The following FLG variants were observed in gnomAD, a reference collection of about 807,000 sequenced individuals.
FLG encodes the protein filaggrin, also known as epidermal filaggrin.
FLG carries 6 observed loss-of-function variants against 3.8 expected under a neutral mutation model. That is an observed-to-expected ratio of 1.60 (90% CI 0.87 to 3.15). The LOEUF is 3.15. FLG is among the 30% of genes most tolerant of loss of function. The pLI is 0.00. For synonymous variants in FLG, 2,551 were observed against 1,931.6 expected, an observed-to-expected ratio of 1.32 and a Z score of -8.41; for missense variants, 7,595 against 5,050.9, an observed-to-expected ratio of 1.50 and a Z score of -15.27.
rs758635510 is a variant in FLG at position 152,313,292 on chromosome 1, G to T, written c.1594C>A (p.His532Asn). The change falls in exon 3 of 3, where the codon CAC becomes AAC. Residue 532 changes from histidine (H) to asparagine (N), a missense_variant. Physicochemically the swap from His to Asn is moderately conservative, Grantham distance 68. Transcript: ENST00000368799. ...CCAGACCTATTTACCGATTGCTCGTGGTGGGATCCCTGCCTTCCTCCTCTG... is the reference window on the plus strand; with the variant it reads ...CCAGACCTATTTACCGATTGCTCGTTGTGGGATCCCTGCCTTCCTCCTCTG... ...SSRGGRQGSH[H>N]EQSVNRSGHS... The T allele has an allele frequency of 2.5e-6, 4 of 1,613,768 alleles. No homozygotes were observed. The highest frequency in any genetic ancestry group is 3.4e-6 in the Non-Finnish European group (4 of 1,179,984).
chr1:152,324,939 T>TA (rs1653100191), intron 1 of FLG, among the ~76,000 whole-genome samples: 1 of 151,936 alleles, frequency 6.6e-6, no homozygotes. Context: ...AGAAGGTAGT[T>TA]AATACATATT....
At position 152,312,813 on chromosome 1, in the gene FLG, T is replaced by C. The variant is rs527901575; in HGVS notation, c.2073A>G (p.Gly691=). 2.7e-3 allele frequency: 4,416 copies of C among 1,614,028 alleles called. 131 individuals carry two copies. In the African/African-American group the frequency reaches 0.051, roughly 19 times the overall value. Residue 691 remains glycine, a synonymous_variant, in exon 3 of 3, where the codon GGA becomes GGG. Coordinates refer to ENST00000368799, the MANE Select transcript of FLG (RefSeq NM_002016.2). ...GTRHTQNSSS[G]QAASSHEQAR... ...CCTGTTCATGGGATGACGCAGCCTG[T>C]CCACTAGAGGAATTCTGTGTGTGAC... is the stretch of plus-strand genomic sequence containing the variant.
In FLG at chr1:152,303,572, A is replaced by G. The variant is rs1358288576; in HGVS notation, c.11314T>C (p.Ser3772Pro). The change falls in exon 3 of 3, where the codon TCC becomes CCC. Residue 3772 changes from serine (S) to proline (P), a missense_variant. Ser to Pro is a moderately conservative substitution (Grantham distance 74, BLOSUM62 -1). Coordinates refer to ENST00000368799, the MANE Select transcript of FLG (RefSeq NM_002016.2). The part of the protein sequence containing the change: ...PGSRRGGRQG[S>P]YHEQSVDRSG... ...CTATCTACCGATTGCTCGTGGTAGG[A>G]TCCCTGTCTTCCTCCTCTCCTTGAC... 1 of 1,613,724 alleles carries G rather than the reference A, an allele frequency of 6.2e-7. No homozygotes were observed. Among genetic ancestry groups the G allele is most frequent in the Non-Finnish European group, 8.5e-7 (1 of 1,179,958 alleles).
At position 152,310,933 on chromosome 1, in the gene FLG, C is replaced by T; in HGVS notation, c.3953G>A (p.Ser1318Asn). 6.2e-7 allele frequency: 1 copy of T among 1,614,042 alleles called. No homozygotes were observed. The highest frequency in any genetic ancestry group is 1.1e-5 in the South Asian group (1 of 91,064). The change falls in exon 3 of 3, where the codon AGT (serine) becomes AAT (asparagine). Residue 1318 changes from serine to asparagine, a missense_variant. Physicochemically the swap from Ser to Asn is conservative, Grantham distance 46. Transcript: ENST00000368799. ...GGAGCTGTCTGCAGAGTGCCCGTGA[C>T]TGGCTCTGTCTTCTTGATGGAACCC... Reference protein sequence around the residue: ...HPGFHQEDRASHGHSADSSRQ... With the variant: ...HPGFHQEDRANHGHSADSSRQ...
chr1:152,309,159 C>G lies in FLG; in HGVS notation c.5727G>C (p.Arg1909Ser), dbSNP rs112627337. 2.6e-6 allele frequency: 4 copies of G among 1,550,168 alleles called. No homozygotes were observed. In the South Asian group the frequency reaches 3.5e-5, roughly 14 times the overall value. ...CACTGGATCCCTGGTTCCTGCTTGT[C>G]CTGGGCCCTGATGATTGTCCCTGGC... ...QVGQGQSSGP[R>S]TSRNQGSSVS... Residue 1909 changes from arginine (R) to serine (S), a missense_variant, in exon 3 of 3, where the codon AGG (arginine) becomes AGC (serine). By Grantham distance (110) the Arg-to-Ser change is moderately radical. Coordinates refer to ENST00000368799, the MANE Select transcript of FLG (RefSeq NM_002016.2).
In FLG at chr1:152,309,601, G is replaced by T; in HGVS notation, c.5285C>A (p.Ser1762Ter). Reference protein sequence around the residue: ...RGQSGERSGRSGSFLYQVSTH... With the variant: ...RGQSGERSGR ...GCTCACCTGGTAGAGGAAAGACCCT[G>T]AACGTCCAGACCTTTCCCCTGACTG... Residue 1762 changes from serine (S) to a stop codon, truncating the protein, a stop_gained, in exon 3 of 3, where the codon TCA (serine) becomes TAA (stop). Coordinates refer to ENST00000368799, the MANE Select transcript of FLG (RefSeq NM_002016.2). LOFTEE classifies it low-confidence loss of function (END_TRUNC). 6.2e-7 allele frequency: 1 copy of T among 1,613,922 alleles called. No homozygotes were observed. Among genetic ancestry groups the T allele is most frequent in the African/African-American group, 1.3e-5 (1 of 74,962 alleles).
rs754930112 is a variant in FLG, at chr1:152,305,528, C to T, written c.9358G>A (p.Gly3120Arg). 1.3e-6 allele frequency: 2 copies of T among 1,547,804 alleles called. No homozygotes were observed. The highest frequency in any genetic ancestry group is 2.4e-5 in the South Asian group (2 of 84,648). ...IRGHPGSSRG[G>R]RQGYHHEHSV... ...TGCTCGTGGTGGTACCCCTGCCTTC[C>T]TCCTCTGCTTGACCCCGGGTGTCCA... is the stretch of plus-strand genomic sequence containing the variant. The change falls in exon 3 of 3, where the codon GGA becomes AGA. Residue 3120 changes from glycine (G) to arginine (R), a missense_variant. Coordinates refer to ENST00000368799, the MANE Select transcript of FLG (RefSeq NM_002016.2).
rs773484179 is a variant in FLG, at chr1:152,302,712, A to G, written c.12174T>C (p.Tyr4058=). Residue 4058 remains tyrosine, a synonymous_variant, in exon 3 of 3, where the codon TAT becomes TAC. Transcript: ENST00000368799. ...QLGFSQSQRY[Y]YYE is the part of the protein sequence containing the mutation. Reference sequence around the variant, plus strand: ...TGCCATTAATTTCTTACTCATAGTAATAGTATCTCTGTGACTGACTAAATC... The same window carrying G: ...TGCCATTAATTTCTTACTCATAGTAGTAGTATCTCTGTGACTGACTAAATC... 6.2e-7 allele frequency: 1 copy of G among 1,613,622 alleles called. No individual in the cohort carries two copies. The highest frequency in any genetic ancestry group is 1.6e-4 in the Middle Eastern group (1 of 6,062).
Position 152,307,521 on chromosome 1 carries a change from G to C in FLG, c.7365C>G (p.Ser2455=). The change falls in exon 3 of 3, where the codon TCC becomes TCG. Residue 2455 remains serine, a synonymous_variant. Transcript: ENST00000368799. Reference sequence around the variant, plus strand: ...CATGAATGGTGTCCTGACCCTCTTGGGACGTTGAGTGCCTGGAGCTGTCTC... The same window carrying C: ...CATGAATGGTGTCCTGACCCTCTTGCGACGTTGAGTGCCTGGAGCTGTCTC... ...QARDSSRHST[S]QEGQDTIHGH... 1 of 1,613,100 alleles carries C rather than the reference G, an allele frequency of 6.2e-7. No individual in the cohort carries two copies. The highest frequency in any genetic ancestry group is 8.5e-7 in the Non-Finnish European group (1 of 1,179,716).
In FLG at chr1:152,307,465, T is replaced by G. The variant is rs1233597343; in HGVS notation, c.7421A>C (p.Gln2474Pro). Reference sequence around the variant, plus strand: ...TACCAATTGCTCGTAGTGGGATCCCTGCCTTCCTCCACTGCTTGACCCCGG... The same window carrying G: ...TACCAATTGCTCGTAGTGGGATCCCGGCCTTCCTCCACTGCTTGACCCCGG... ...GHPGSSSGGR[Q>P]GSHYEQLVDR... The change falls in exon 3 of 3, where the codon CAG becomes CCG. Residue 2474 changes from glutamine to proline, a missense_variant. Gln to Pro is a moderately conservative substitution (Grantham distance 76). Coordinates refer to ENST00000368799, the MANE Select transcript of FLG (RefSeq NM_002016.2). The G allele has an allele frequency of 6.2e-7, 1 of 1,613,238 alleles. No individual in the cohort carries two copies. Among genetic ancestry groups the G allele is most frequent in the African/African-American group, 1.3e-5 (1 of 74,810 alleles).
Position 152,309,380 on chromosome 1 carries a change from A to C in FLG, c.5506T>G (p.Ser1836Ala), listed in dbSNP as rs150789396. Reference protein sequence around the residue: ...GSHYEQSVDSSGHSGSHHSHT... With the variant: ...GSHYEQSVDSAGHSGSHHSHT... ...CTGTGATGAGACCCTGAGTGTCCAG[A>C]ACTATCTACCGATTGCTCATAGTGG... Residue 1836 changes from serine to alanine, a missense_variant, in exon 3 of 3, where the codon TCT becomes GCT. Ser to Ala is a moderately conservative substitution (Grantham distance 99). Coordinates refer to ENST00000368799, the MANE Select transcript of FLG (RefSeq NM_002016.2). 887 of 1,613,610 alleles carry C rather than the reference A, an allele frequency of 5.5e-4. 2 individuals carry two copies. In the African/African-American group the frequency reaches 0.011, roughly 20 times the overall value.
In FLG at chr1:152,313,223, A is replaced by G. The variant is rs775615102; in HGVS notation, c.1663T>C (p.Ser555Pro). Residue 555 changes from serine to proline, a missense_variant, in exon 3 of 3, where the codon TCT (serine) becomes CCT (proline). Ser to Pro is a moderately conservative substitution (Grantham distance 74, BLOSUM62 -1). Transcript: ENST00000368799. ...HHSHTTSQGR[S>P]DASHGQSGSR... Reference sequence around the variant, plus strand: ...CCTGACTGCCCATGGGAGGCATCAGACCTTCCCTGGGATGTGGTGTGGCTG... The same window carrying G: ...CCTGACTGCCCATGGGAGGCATCAGGCCTTCCCTGGGATGTGGTGTGGCTG... 5.7e-5 allele frequency: 92 copies of G among 1,613,514 alleles called. 1 individual carries two copies. The African/African-American group carries it at 1.1e-3, about 20-fold the overall frequency.
chr1:152,308,116 T>G lies in FLG; in HGVS notation c.6770A>C (p.Glu2257Ala). The stretch of plus-strand genomic sequence containing the variant: ...TCTGGACGCAGACCCAGACCGCCTC[T>G]CAGAATCTTCTGAGTGTCCCTCACT... ...SDSEGHSEDS[E>A]RRSGSASRNH... The change falls in exon 3 of 3, where the codon GAG (glutamate) becomes GCG (alanine). Residue 2257 changes from glutamate (E) to alanine (A), a missense_variant. By Grantham distance (107) the Glu-to-Ala change is moderately radical. Transcript: ENST00000368799. 6.2e-7 allele frequency: 1 copy of G among 1,614,006 alleles called. No individual in the cohort carries two copies. The highest frequency in any genetic ancestry group is 1.1e-5 in the South Asian group (1 of 91,072).
In FLG at chr1:152,312,664, C is replaced by A; in HGVS notation, c.2222G>T (p.Gly741Val). Residue 741 changes from glycine to valine, a missense_variant, in exon 3 of 3, where the codon GGG becomes GTG. By Grantham distance (109) the Gly-to-Val change is moderately radical. Transcript: ENST00000368799. ...GTCAGTGGCCTGACTACCACTGGACCCTCGGTGTCCACTGTCTCTGACTGC... is the reference window on the plus strand; with the variant it reads ...GTCAGTGGCCTGACTACCACTGGACACTCGGTGTCCACTGTCTCTGACTGC... ...SSAVRDSGHRGSSGSQATDSE... is the reference protein window; with the variant it reads ...SSAVRDSGHRVSSGSQATDSE... The A allele has an allele frequency of 1.2e-6, 2 of 1,613,914 alleles. No homozygotes were observed. Among genetic ancestry groups the A allele is most frequent in the Non-Finnish European group, 1.7e-6 (2 of 1,180,006 alleles).
Position 152,305,937 on chromosome 1 carries a change from C to T in FLG, c.8949G>A (p.Gln2983=), listed in dbSNP as rs772161074. 16 of 1,482,742 alleles carry T rather than the reference C, an allele frequency of 1.1e-5. No homozygotes were observed. Among genetic ancestry groups the T allele is most frequent in the Non-Finnish European group, 1.4e-5 (15 of 1,095,762 alleles). 91.8% of individuals were successfully genotyped at this position (1,482,742 alleles called of 1,614,324 possible). The change falls in exon 3 of 3, where the codon CAG becomes CAA. Residue 2983 remains glutamine (Q), a synonymous_variant. Transcript: ENST00000368799. ...SAGERHGSHH[Q]QSADSSRHSG... ...AGTGTCTGGAGCTGTCTGCTGACTGCTGGTGGTGGGATCCATGTCTTTCTC... is the reference window on the plus strand; with the variant it reads ...AGTGTCTGGAGCTGTCTGCTGACTGTTGGTGGTGGGATCCATGTCTTTCTC...
At position 152,302,179 on chromosome 1, in the gene FLG, G is replaced by A. The variant is rs572257821; in HGVS notation, c.*521C>T. The A allele has an allele frequency of 6.1e-6, 1 of 164,910 alleles. No individual in the cohort carries two copies. Among genetic ancestry groups the A allele is most frequent in the African/African-American group, 2.4e-5 (1 of 41,582 alleles). 10.2% of individuals were successfully genotyped at this position (164,910 alleles called of 1,614,324 possible). On this transcript the variant is annotated 3_prime_UTR_variant, in exon 3 of 3. Coordinates refer to ENST00000368799, the MANE Select transcript of FLG (RefSeq NM_002016.2). ...GACAAACAGTATTATATGATGAATA[G>A]TTTATTTTTAATTTAGATGCAGCTT...
At position 152,314,208 on chromosome 1, in the gene FLG, T is replaced by C; in HGVS notation, c.678A>G (p.Lys226=). 6.2e-7 allele frequency: 1 copy of C among 1,613,922 alleles called. No individual in the cohort carries two copies. The highest frequency in any genetic ancestry group is 8.5e-7 in the Non-Finnish European group (1 of 1,179,906). Residue 226 remains lysine, a synonymous_variant, in exon 3 of 3, where the codon AAA becomes AAG. Coordinates refer to ENST00000368799, the MANE Select transcript of FLG (RefSeq NM_002016.2). ...DYENTGRMTQ[K]WIQSGHIATY... ...TGGCAATATGGCCTGATTGTATCCA[T>C]TTTTGAGTCATTCTTCCTGTATTTT...
chr1:152,303,760 G>C lies in FLG; in HGVS notation c.11126C>G (p.Ser3709Cys). 2 of 1,613,924 alleles carry C rather than the reference G, an allele frequency of 1.2e-6. No homozygotes were observed. Among genetic ancestry groups the C allele is most frequent in the Non-Finnish European group, 1.7e-6 (2 of 1,179,956 alleles). The change falls in exon 3 of 3, where the codon TCT (serine) becomes TGT (cysteine). Residue 3709 changes from serine to cysteine, a missense_variant. Coordinates refer to ENST00000368799, the MANE Select transcript of FLG (RefSeq NM_002016.2). ...ATGAGTGCTCACCTGGTAGAGGAAA[G>C]ACCCTGAACGTCCAGACCTTCCTGC... ...RSAGRSGRSG[S>C]FLYQVSTHEQ...
Position 152,303,129 on chromosome 1 carries a change from C to T in FLG, c.11757G>A (p.Gln3919=), listed in dbSNP as rs1219998908. 1.9e-6 allele frequency: 3 copies of T among 1,614,206 alleles called. No homozygotes were observed. Among genetic ancestry groups the T allele is most frequent in the African/African-American group, 1.3e-5 (1 of 75,050 alleles). The change falls in exon 3 of 3, where the codon CAG becomes CAA. Residue 3919 remains glutamine (Q), a synonymous_variant. Coordinates refer to ENST00000368799, the MANE Select transcript of FLG (RefSeq NM_002016.2). ...GTTCCTTAGCGGTACTAGAGTCTGA[C>T]TGTACAGGTGAAGACTGTACATGAC... ...TASHVQSSPV[Q]SDSSTAKEHG...
Sources: gnomAD v4.1 joint callset for allele counts (sites outside exome capture counted in the v4.1 genomes callset) on GRCh38, gnomAD v4.1.1 for gene constraint, MANE v1.5 for transcripts, NCBI Gene and HGNC (gene_info 2026-07-23, HGNC 2026-07-21) for gene names.